Variants in BMPR1A observed in about 807,000 individuals in gnomAD.
BMPR1A encodes the protein bone morphogenetic protein receptor type 1A.
Under a neutral mutation model 66.0 loss-of-function variants are expected in BMPR1A, and 7 were observed. The ratio of observed to expected loss-of-function variants is 0.11; its 90% CI spans 0.06 to 0.20. The LOEUF (loss-of-function observed/expected upper bound fraction) is 0.20. Among genes scored for constraint, BMPR1A ranks in the 10% least tolerant of loss-of-function variants. The pLI is 1.00. For synonymous variants in BMPR1A, 200 were observed against 229.7 expected (o/e 0.87, Z 1.17); for missense variants, 408 against 669.1 (o/e 0.61, Z 4.31).
At chr10:86,912,101 A>G in intron 7 of BMPR1A, 139 bp from the exon 8 acceptor site, 2 of 877,292 alleles carry the variant, frequency 2.3e-6, no homozygotes, top group Non-Finnish European at 3.6e-6. Flanking sequence ...ATTTAACAGG[A>G]TATATTATCC....
At chr10:86,856,320 C>G in intron 2 of BMPR1A, 1 of 459,308 alleles carries the variant, frequency 2.2e-6, no homozygotes, top group South Asian at 1.6e-5. Context: ...CCCTGGCCCT[C>G]TGCAGCCCAG....
rs564877389 is a variant in BMPR1A at position 86,913,736 on chromosome 10, A to G, written c.675+1352A>G. ...CTAACAATTTATGCAAGACCTGCAC[A>G]CTGAAAATTATAAAACATTGCTGAA... is the stretch of plus-strand genomic sequence containing the variant. On this transcript the variant is annotated intron_variant, in intron 8 of 12. Coordinates refer to ENST00000372037, the MANE Select transcript of BMPR1A (RefSeq NM_004329.3). Among the ~76,000 whole-genome samples, 231 of 152,348 alleles carry G rather than the reference A, an allele frequency of 1.5e-3. 1 individual carries two copies. The highest frequency in any genetic ancestry group is 3.5e-3 in the Admixed American group (53 of 15,310).
At chr10:86,772,126 G>GTTTTTTTTTTTTT (rs777280640) in intron 1 of BMPR1A, among the ~76,000 whole-genome samples, 1 of 88,872 alleles carries the variant, frequency 1.1e-5, no homozygotes, top group African/African-American at 4.8e-5. Context: ...TCAGAGATAG[G>GTTTTTTTTTTTTT]TTTTTTTTTT....
rs1554890804 is a variant in BMPR1A at position 86,917,286 on chromosome 10, A to G, written c.828A>G (p.Glu276=). ...AAGCCAGCTGGTTTCGAGAAACAGA[A>G]ATCTACCAAACTGTGCTAATGCGCC... ...TEEASWFRET[E]IYQTVLMRHE... The change falls in exon 9 of 13, where the codon GAA becomes GAG. Residue 276 remains glutamate (E), a synonymous_variant. Transcript: ENST00000372037. 6.2e-7 allele frequency: 1 copy of G among 1,614,116 alleles called. No homozygotes were observed. Among genetic ancestry groups the G allele is most frequent in the East Asian group, 2.2e-5 (1 of 44,878 alleles).
intron 2 of BMPR1A, chr10:86,855,466 A>G (rs1589748128): frequency 1.7e-6 from 1 of 580,706 alleles, no homozygotes; most frequent in Admixed American, 2.7e-5. Flanking sequence ...GACCTACTGT[A>G]TTTACTTTCA....
intron 2 of BMPR1A, among the ~76,000 whole-genome samples, chr10:86,840,655 A>G (rs1296722713): frequency 1.3e-5 from 2 of 152,120 alleles, no homozygotes; most frequent in East Asian, 3.9e-4. Context: ...CTGTTTACAG[A>G]TGGCTCAGCT....
chr10:86,862,342 G>A (rs72841899), intron 2 of BMPR1A, among the ~76,000 whole-genome samples: 1 of 152,150 alleles, frequency 6.6e-6, no homozygotes, highest in Non-Finnish European at 1.5e-5. Context: ...GGATCTGCAC[G>A]TGCCAGGGTC....
At chr10:86,844,247 C>T (rs940151711) in intron 2 of BMPR1A, among the ~76,000 whole-genome samples, 6 of 152,134 alleles carry the variant, frequency 3.9e-5, no homozygotes, top group African/African-American at 1.4e-4. Context: ...TTTACAAAAG[C>T]AGTTTTTAAG....
rs867993267 is a variant in BMPR1A, at chr10:86,790,232, T to A, written c.-268+33313T>A. 2.8e-3 allele frequency among the ~76,000 whole-genome samples: 185 copies of A among 66,968 alleles called. 20 individuals are homozygous for A. The highest frequency in any genetic ancestry group is 8.5e-3 in the African/African-American group (155 of 18,184). 43.9% of individuals were successfully genotyped at this position (66,968 alleles called of 152,430 possible). A position where few individuals can be genotyped will look rare whatever the true frequency, so the allele number is the denominator to read the frequency against. ...ATATATATATATATATATATATATATATATCAAAACCACAATGAGATTCTG... is the reference window on the plus strand; with the variant it reads ...ATATATATATATATATATATATATAAATATCAAAACCACAATGAGATTCTG... On this transcript the variant is annotated intron_variant, in intron 1 of 12. Transcript: ENST00000372037.
rs902770788 is a variant in BMPR1A at position 86,925,885 on chromosome 10, G to A, written c.*2166G>A. ...TGGGACTACAGGCGCCCGCCACCGC[G>A]CCCGGCTAATTTTTTGTATTTTTAG... On this transcript the variant is annotated 3_prime_UTR_variant, in exon 13 of 13. Coordinates refer to ENST00000372037, the MANE Select transcript of BMPR1A (RefSeq NM_004329.3). 1 of 162,440 alleles carries A rather than the reference G, an allele frequency of 6.2e-6. No individual in the cohort carries two copies. The highest frequency in any genetic ancestry group is 1.3e-5 in the Non-Finnish European group (1 of 74,510). The allele number at this position is 162,440 out of a possible 1,614,324, so 10.1% of individuals were successfully genotyped here.
intron 1 of BMPR1A, among the ~76,000 whole-genome samples, chr10:86,823,777 C>T (rs908316797): frequency 6.6e-6 from 1 of 152,162 alleles, no homozygotes; most frequent in Non-Finnish European, 1.5e-5. Flanking sequence ...CCTCCCTGAC[C>T]CTCCCTGTGG....
chr10:86,844,299 CATGTTAAATGCT>C (rs1473992463), intron 2 of BMPR1A, among the ~76,000 whole-genome samples: 1 of 152,122 alleles, frequency 6.6e-6, no homozygotes, highest in Non-Finnish European at 1.5e-5. Flanking sequence ...CTTTTGCTAT[CATGTTAAATGCT>C]ATGTAAGATT....
At chr10:86,797,779 A>G (rs902891874) in intron 1 of BMPR1A, among the ~76,000 whole-genome samples, 6 of 152,156 alleles carry the variant, frequency 3.9e-5, no homozygotes, top group Admixed American at 2.6e-4. Flanking sequence ...AAGGTCCAAA[A>G]AGGTTGAGTT....
intron 1 of BMPR1A, among the ~76,000 whole-genome samples, chr10:86,790,078 C>A (rs1161290989): frequency 7.2e-6 from 1 of 139,250 alleles, no homozygotes; most frequent in Non-Finnish European, 1.5e-5. Flanking sequence ...ATGGCGTGAA[C>A]CCAGGAGGCA....
chr10:86,874,773 AGT>A (rs909874630), intron 2 of BMPR1A, among the ~76,000 whole-genome samples: 1 of 123,246 alleles, frequency 8.1e-6, no homozygotes, highest in African/African-American at 3.3e-5. Flanking sequence ...GCTGGAGTGC[AGT>A]GGCACAATCT....
intron 3 of BMPR1A, among the ~76,000 whole-genome samples, chr10:86,880,313 G>A (rs946229494): frequency 6.6e-5 from 10 of 152,124 alleles, no homozygotes; most frequent in Non-Finnish European, 1.5e-4. Flanking sequence ...CCTGGCCTTT[G>A]GTTTAGTGAC....
chr10:86,919,731 A>G (rs899604081), intron 10 of BMPR1A, among the ~76,000 whole-genome samples: 24 of 151,162 alleles, frequency 1.6e-4, no homozygotes, highest in Non-Finnish European at 2.4e-4. Context: ...TTTTAAAGAC[A>G]GTGTCTCACT....
In BMPR1A at chr10:86,925,758, T is replaced by C. The variant is rs1216849372; in HGVS notation, c.*2039T>C. 3.9e-5 allele frequency: 5 copies of C among 129,700 alleles called. No homozygotes were observed. Among genetic ancestry groups the C allele is most frequent in the Non-Finnish European group, 6.0e-5 (4 of 67,000 alleles). The allele number at this position is 129,700 out of a possible 1,614,324, so 8.0% of individuals were successfully genotyped here. A position where few individuals can be genotyped will look rare whatever the true frequency, so the allele number is the denominator to read the frequency against. ...TTTTTTGAGACGGAGTCTCGCTCTG[T>C]CGCCCAGGCTGGACTGCGGACTGCA... On this transcript the variant is annotated 3_prime_UTR_variant, in exon 13 of 13. Transcript: ENST00000372037.
chr10:86,811,772 A>G (rs1236271141), intron 1 of BMPR1A, among the ~76,000 whole-genome samples: 1 of 152,228 alleles, frequency 6.6e-6, no homozygotes, highest in Non-Finnish European at 1.5e-5. Context: ...CAAATGTATG[A>G]TAGTCTAATT....
Sources: allele counts gnomAD v4.1 joint callset (sites outside exome capture counted in the v4.1 genomes callset), GRCh38; gene constraint gnomAD v4.1.1; transcripts MANE v1.5; gene names NCBI Gene and HGNC (gene_info 2026-07-23, HGNC 2026-07-21).